CHD4: variants seen among roughly 807,000 people sequenced by gnomAD.
The protein encoded by CHD4 is ATP-dependent chromatin remodeler CHD4.
Under a neutral mutation model 235.5 loss-of-function variants are expected in CHD4, and 35 were observed. That is an observed-to-expected ratio of 0.15 (90% CI 0.11 to 0.20). The LOEUF (loss-of-function observed/expected upper bound fraction) is 0.20, where lower values mean the gene tolerates loss of function less well. Among genes scored for constraint, CHD4 ranks in the 10% least tolerant of loss-of-function variants. CHD4 has a pLI of 1.00. For missense variants in CHD4, 1,329 were observed against 2,432.3 expected (o/e 0.55, Z 9.54); for synonymous variants, 900 against 850.2 (o/e 1.06, Z -1.02).
rs1221985211 is a variant in CHD4, at chr12:6,593,454, T to C, written c.2476A>G (p.Asn826Asp). The change falls in exon 16 of 40, where the codon AAT (asparagine) becomes GAT (aspartate). Residue 826 changes from asparagine to aspartate, a missense_variant. By Grantham distance (23) the Asn-to-Asp change is conservative. Around this residue, in one of 26 missense-constraint regions of CHD4, gnomAD observed 78 missense variants for 174.8 expected, o/e 0.45. Coordinates refer to ENST00000544040, the MANE Select transcript of CHD4 (RefSeq NM_001273.5). This position sits in a 1 kb window ranked among gnomAD's most constrained non-coding sequence, Gnocchi z 4.9. ...GCCTTCTTGCCACCACGAATGGCAT[T>C]GTCTTCAAAGGAGAACTCATTCTCT... ...IRENEFSFED[N>D]AIRGGKKASR... 6.2e-7 allele frequency: 1 copy of C among 1,614,136 alleles called. No individual in the cohort carries two copies. Among genetic ancestry groups the C allele is most frequent in the South Asian group, 1.1e-5 (1 of 91,080 alleles).
At chr12:6,605,283 T>C (rs1193129194) in intron 2 of CHD4, among the ~76,000 whole-genome samples, 2 of 151,658 alleles carry the variant, frequency 1.3e-5, no homozygotes, top group African/African-American at 2.4e-5. Flanking sequence ...AAATGACATG[T>C]AGAAAAAAAA....
rs1374578320 is a variant in CHD4, at chr12:6,597,910, G to A, written c.1876C>T (p.Arg626Ter). The change falls in exon 12 of 40, where the codon CGA (arginine) becomes TGA (stop). Residue 626 changes from arginine to a stop codon, truncating the protein, a stop_gained. Transcript: ENST00000544040. LOFTEE classifies it high-confidence loss of function. ...GIKPEWMMIH[R>*]ILNHSVDKKG... is the part of the protein sequence containing the mutation. ...AGCTGGTACCTGTGGTTGAGGATTC[G>A]GTGGATCATCATCCACTCGGGTTTT... 3 of 1,614,012 alleles carry A rather than the reference G, an allele frequency of 1.9e-6. No individual in the cohort carries two copies. The highest frequency in any genetic ancestry group is 3.3e-5 in the Admixed American group (2 of 60,024).
chr12:6,571,048 A>G lies in CHD4; in HGVS notation c.5558-16T>C. On this transcript the variant is annotated splice_polypyrimidine_tract_variant and intron_variant, in intron 38 of 39. Coordinates refer to ENST00000544040, the MANE Select transcript of CHD4 (RefSeq NM_001273.5). ...TGTTTCAGAACTGCATAGGGAGAAAAAGAGGTGGTGAGCTGTGGTGGCCCA... is the reference window on the plus strand; with the variant it reads ...TGTTTCAGAACTGCATAGGGAGAAAGAGAGGTGGTGAGCTGTGGTGGCCCA... 1 of 1,613,112 alleles carries G rather than the reference A, an allele frequency of 6.2e-7. No homozygotes were observed. Among genetic ancestry groups the G allele is most frequent in the Non-Finnish European group, 8.5e-7 (1 of 1,179,454 alleles).
rs1948438860 is a variant in CHD4 at position 6,593,700 on chromosome 12, C to T, written c.2314-84G>A. The T allele has an allele frequency of 8.1e-7, 1 of 1,233,550 alleles. No individual in the cohort carries two copies. The highest frequency in any genetic ancestry group is 1.2e-6 in the Non-Finnish European group (1 of 864,202). 76.4% of individuals were successfully genotyped at this position (1,233,550 alleles called of 1,614,324 possible). ...AACACCCACCACCCTGCTGCCCCCTCAAGCTGAGCCAAGGACTGACACACC... is the reference window on the plus strand; with the variant it reads ...AACACCCACCACCCTGCTGCCCCCTTAAGCTGAGCCAAGGACTGACACACC... On this transcript the variant is annotated intron_variant, in intron 15 of 39. Transcript: ENST00000544040. This position sits in a 1 kb window ranked among gnomAD's most constrained non-coding sequence, Gnocchi z 4.9.
chr12:6,577,072 G>GAGCCACCC (rs1171343185), intron 37 of CHD4, among the ~76,000 whole-genome samples: 22 of 152,070 alleles, frequency 1.4e-4, no homozygotes, highest in Non-Finnish European at 7.4e-5. Flanking sequence ...AAAGTGCTGG[G>GAGCCACCC]ATTACAGGCG....
At chr12:6,596,163 C>CA in intron 12 of CHD4, 26 bp from the exon 13 acceptor site, 1 of 1,609,378 alleles carries the variant, frequency 6.2e-7, no homozygotes, top group Non-Finnish European at 8.5e-7. Flanking sequence ...AGAAAACCCT[C>CA]AGAGCCAGAA....
chr12:6,605,930 A>G (rs1592286927), intron 2 of CHD4, among the ~76,000 whole-genome samples: 1 of 151,432 alleles, frequency 6.6e-6, no homozygotes, highest in Non-Finnish European at 1.5e-5. Flanking sequence ...GCCCCCCTCC[A>G]CCACCACCAC....
At chr12:6,597,590 C>A (rs1221739061) in intron 12 of CHD4, among the ~76,000 whole-genome samples, 1 of 152,100 alleles carries the variant, frequency 6.6e-6, no homozygotes, top group East Asian at 1.9e-4. Flanking sequence ...AGAATGAAAA[C>A]CCTGTCTCTA....
intron 13 of CHD4, 48 bp downstream of exon 13, chr12:6,595,958 A>G (rs77142928): frequency 1.1e-6 from 1 of 869,788 alleles, no homozygotes; most frequent in Non-Finnish European, 1.5e-6. Context: ...CTCCATCTCA[A>G]AAAAAAAAAA....
chr12:6,600,033 T>C, intron 9 of CHD4, 21 bp from the exon 10 acceptor site: 1 of 1,612,772 alleles, frequency 6.2e-7, no homozygotes, highest in Non-Finnish European at 8.5e-7. Context: ...GGACCACAGA[T>C]TCAGATTATT....
At chr12:6,606,533 C>A (rs923280555) in intron 1 of CHD4, 82 bp from the exon 2 acceptor site, 6 of 507,470 alleles carry the variant, frequency 1.2e-5, no homozygotes, top group Non-Finnish European at 2.1e-5. Context: ...GCTCTTTCCG[C>A]CCCCCACCCC....
At chr12:6,599,507 T>G (rs1424140084) in intron 10 of CHD4, among the ~76,000 whole-genome samples, 2 of 152,040 alleles carry the variant, frequency 1.3e-5, no homozygotes, top group Non-Finnish European at 2.9e-5. Context: ...TGAGGCAGGG[T>G]GTCAACACAG....
At chr12:6,584,613 G>C (rs796517079) in intron 25 of CHD4, 7 of 152,230 alleles carry the variant, frequency 4.6e-5, no homozygotes, top group African/African-American at 1.7e-4. Context: ...CCAACTCCTG[G>C]GCTCAAACGA....
intron 22 of CHD4, among the ~76,000 whole-genome samples, chr12:6,589,660 G>A (rs1296685157): frequency 4.0e-5 from 6 of 151,578 alleles, no homozygotes; most frequent in South Asian, 2.1e-4. Flanking sequence ...CCAGCTACTC[G>A]GGAGGCTGAG....
chr12:6,574,322 A>C (rs1363811203), intron 37 of CHD4, among the ~76,000 whole-genome samples: 1 of 150,698 alleles, frequency 6.6e-6, no homozygotes, highest in East Asian at 1.9e-4. Flanking sequence ...ATATGAATAC[A>C]TGTTTCACCT....
intron 37 of CHD4, among the ~76,000 whole-genome samples, chr12:6,577,417 C>CAAAAA (rs60910415): frequency 4.6e-5 from 4 of 87,288 alleles, no homozygotes; most frequent in African/African-American, 1.1e-4. Flanking sequence ...GATTCTGCCT[C>CAAAAA]AAAAAAAAAA....
At chr12:6,604,753 G>A (rs1948661046) in intron 2 of CHD4, among the ~76,000 whole-genome samples, 1 of 152,148 alleles carries the variant, frequency 6.6e-6, no homozygotes, top group East Asian at 1.9e-4. Flanking sequence ...TTAGGAAAGG[G>A]ACAGGAATGG....
chr12:6,587,225 A>T, intron 25 of CHD4, 159 bp downstream of exon 25: 1 of 664,148 alleles, frequency 1.5e-6, no homozygotes, highest in Non-Finnish European at 2.5e-6. Flanking sequence ...AAATCTGATT[A>T]GTCATGTTAT....
chr12:6,594,210 A>G (rs1948446710), intron 15 of CHD4, among the ~76,000 whole-genome samples: 1 of 152,110 alleles, frequency 6.6e-6, no homozygotes, highest in Non-Finnish European at 1.5e-5. Context: ...CTGATACTCT[A>G]TGGATCCACT....
Sources: allele counts gnomAD v4.1 joint callset (sites outside exome capture counted in the v4.1 genomes callset), GRCh38; gene constraint gnomAD v4.1.1; regional missense constraint gnomAD v4.1.1; non-coding constraint Gnocchi (gnomAD v3.1); transcripts MANE v1.5; gene names NCBI Gene and HGNC (gene_info 2026-07-23, HGNC 2026-07-21).